LRRC58: variants seen among roughly 807,000 people sequenced by gnomAD.
LRRC58 encodes the protein leucine-rich repeat-containing protein 58.
A neutral mutation model predicts 30.6 loss-of-function variants in LRRC58; 18 were observed. The observed-to-expected ratio is 0.59, with a 90% confidence interval of 0.41 to 0.87. The LOEUF (loss-of-function observed/expected upper bound fraction) is 0.87. LRRC58 is among the 40% of genes least tolerant of loss of function. LRRC58 has a pLI of 0.00. For missense variants in LRRC58, 420 were observed against 468.4 expected, an observed-to-expected ratio of 0.90 and a Z score of 0.95; for synonymous variants, 221 against 206.0, an observed-to-expected ratio of 1.07 and a Z score of -0.62.
chr3:120,335,257 G>T, intron 2 of LRRC58, 118 bp from the exon 3 acceptor site: 2 of 850,294 alleles, frequency 2.4e-6, no homozygotes, highest in Non-Finnish European at 3.5e-6. Context: ...TTAAGATTAA[G>T]GTCAATTGAA....
intron 3 of LRRC58, among the ~76,000 whole-genome samples, chr3:120,333,897 T>C (rs1247060836): frequency 6.6e-6 from 1 of 152,236 alleles, no homozygotes; most frequent in Non-Finnish European, 1.5e-5. Context: ...CTATCCTCAA[T>C]TTTATCCTAT....
chr3:120,347,346 G>A (rs1012184953), intron 1 of LRRC58, among the ~76,000 whole-genome samples: 3 of 138,772 alleles, frequency 2.2e-5, no homozygotes, highest in Admixed American at 7.3e-5. Flanking sequence ...TAAGGCTGGA[G>A]CACCAAGAGT....
intron 1 of LRRC58, among the ~76,000 whole-genome samples, chr3:120,337,989 C>G (rs1935856969): frequency 6.6e-6 from 1 of 152,000 alleles, no homozygotes; most frequent in Non-Finnish European, 1.5e-5. Flanking sequence ...ATTACAGGTC[C>G]CTGCCACCAT....
rs1185290988 is a variant in LRRC58 at position 120,324,574 on chromosome 3, A to T, written c.*6626T>A. The T allele has an allele frequency of 6.6e-6, 1 of 152,232 alleles. No individual in the cohort carries two copies. Among genetic ancestry groups the T allele is most frequent in the African/African-American group, 2.4e-5 (1 of 41,474 alleles). 9.4% of individuals were successfully genotyped at this position (152,232 alleles called of 1,614,324 possible). A position where few individuals can be genotyped will look rare whatever the true frequency, so the allele number is the denominator to read the frequency against. ...AACAAGTAATCAGGCAAATATCAAC[A>T]TTATAGAGACTTTAATATAGAACTG... On this transcript the variant is annotated 3_prime_UTR_variant, in exon 4 of 4. Coordinates refer to ENST00000295628, the MANE Select transcript of LRRC58 (RefSeq NM_001099678.2).
chr3:120,347,780 G>A (rs1935992386), intron 1 of LRRC58, among the ~76,000 whole-genome samples: 1 of 152,200 alleles, frequency 6.6e-6, no homozygotes, highest in Non-Finnish European at 1.5e-5. Context: ...AATAAAGTGT[G>A]AAAATATCTT....
chr3:120,344,156 G>C (rs781508515), intron 1 of LRRC58, among the ~76,000 whole-genome samples: 3 of 152,130 alleles, frequency 2.0e-5, no homozygotes, highest in Non-Finnish European at 2.9e-5. Flanking sequence ...ATTAAAGTAA[G>C]ATAGGAATGT....
intron 1 of LRRC58, among the ~76,000 whole-genome samples, chr3:120,343,646 T>C (rs1935931190): frequency 2.6e-5 from 4 of 152,202 alleles, no homozygotes. Context: ...CAAGTACAAA[T>C]GACCCACTGA....
intron 1 of LRRC58, among the ~76,000 whole-genome samples, chr3:120,347,257 C>T (rs1935979764): frequency 6.6e-6 from 1 of 151,944 alleles, no homozygotes; most frequent in African/African-American, 2.4e-5. Flanking sequence ...AATGAAGAGA[C>T]ATCTTGCCCA....
chr3:120,336,048 T>C (rs1935831038), intron 1 of LRRC58, 95 bp from the exon 2 acceptor site: 3 of 862,258 alleles, frequency 3.5e-6, no homozygotes, highest in Non-Finnish European at 5.3e-6. Context: ...ATCTATTCAT[T>C]CAGCAAATGT....
chr3:120,336,104 T>C (rs1257402343), intron 1 of LRRC58, among the ~76,000 whole-genome samples, 151 bp from the exon 2 acceptor site: 2 of 152,212 alleles, frequency 1.3e-5, no homozygotes, highest in South Asian at 2.1e-4. Flanking sequence ...AGAGAAACAA[T>C]GCAATTTTCA....
intron 2 of LRRC58, among the ~76,000 whole-genome samples, chr3:120,335,398 C>A (rs1935820379): frequency 6.6e-6 from 1 of 152,118 alleles, no homozygotes. Flanking sequence ...GCTGTAAAAC[C>A]TAGATTTGAA....
At chr3:120,331,481 GTGTT>G in intron 3 of LRRC58, 73 bp from the exon 4 acceptor site, 10 of 1,133,726 alleles carry the variant, frequency 8.8e-6, no homozygotes, top group South Asian at 1.3e-5. Flanking sequence ...CCTTTCTCCA[GTGTT>G]CTGGAGAAAT....
rs533566894 is a variant in LRRC58 at position 120,333,632 on chromosome 3, A to C, written c.907+1230T>G. On this transcript the variant is annotated intron_variant, in intron 3 of 3. Coordinates refer to ENST00000295628, the MANE Select transcript of LRRC58 (RefSeq NM_001099678.2). The stretch of plus-strand genomic sequence containing the variant: ...CACCTGGTTTTGATCATCATTATGC[A>C]GCATTTCCTCAGTACCTACTGGATT... 3.5e-4 allele frequency among the ~76,000 whole-genome samples: 53 copies of C among 152,352 alleles called. No homozygotes were observed. The South Asian group carries it at 6.2e-3, about 18-fold the overall frequency.
chr3:120,341,450 T>C (rs1935903413), intron 1 of LRRC58, among the ~76,000 whole-genome samples: 1 of 152,132 alleles, frequency 6.6e-6, no homozygotes. Context: ...GAAGAGTGAG[T>C]CTGAGGGCAA....
intron 1 of LRRC58, among the ~76,000 whole-genome samples, chr3:120,343,080 T>C (rs917824606): frequency 3.9e-5 from 6 of 152,356 alleles, no homozygotes; most frequent in African/African-American, 1.4e-4. Context: ...ACGGAAAGGA[T>C]GCAAAACATT....
intron 3 of LRRC58, among the ~76,000 whole-genome samples, chr3:120,331,967 C>A: frequency 6.6e-6 from 1 of 152,308 alleles, no homozygotes; most frequent in Admixed American, 6.5e-5. Flanking sequence ...CACTGATGAT[C>A]TCACTTGATT....
Position 120,326,569 on chromosome 3 carries a change from G to C in LRRC58, c.*4631C>G, listed in dbSNP as rs1672793550. ...CAGAAGGAATCAGAAATGTATTATA[G>C]GTCACATTGAATAAAAATCTATACA... On this transcript the variant is annotated 3_prime_UTR_variant, in exon 4 of 4. Coordinates refer to ENST00000295628, the MANE Select transcript of LRRC58 (RefSeq NM_001099678.2). The C allele has an allele frequency of 1.3e-5, 2 of 152,114 alleles. No individual in the cohort carries two copies. Among genetic ancestry groups the C allele is most frequent in the Non-Finnish European group, 2.9e-5 (2 of 68,016 alleles). The allele number at this position is 152,114 out of a possible 1,614,324, so 9.4% of individuals were successfully genotyped here.
At position 120,330,121 on chromosome 3, in the gene LRRC58, T is replaced by A. The variant is rs1935734187; in HGVS notation, c.*1079A>T. ...TGATGTTTTTCTAGTTGTATTAGTTTTTCTTTAAAAAGTAGAGAAAGATGG... is the reference window on the plus strand; with the variant it reads ...TGATGTTTTTCTAGTTGTATTAGTTATTCTTTAAAAAGTAGAGAAAGATGG... On this transcript the variant is annotated 3_prime_UTR_variant, in exon 4 of 4. Transcript: ENST00000295628. 6.6e-6 allele frequency: 1 copy of A among 152,120 alleles called. No homozygotes were observed. The highest frequency in any genetic ancestry group is 1.5e-5 in the Non-Finnish European group (1 of 67,962). 9.4% of individuals were successfully genotyped at this position (152,120 alleles called of 1,614,324 possible). A position where few individuals can be genotyped will look rare whatever the true frequency, so the allele number is the denominator to read the frequency against.
At position 120,337,437 on chromosome 3, in the gene LRRC58, C is replaced by T. The variant is rs578111941; in HGVS notation, c.501-1484G>A. Among the ~76,000 whole-genome samples the T allele has an allele frequency of 1.3e-3, 204 of 152,190 alleles. 1 individual carries two copies. Among genetic ancestry groups the T allele is most frequent in the South Asian group, 0.011 (55 of 4,826 alleles). ...GTATATCTTTAGAGAATTACCTGTT[C>T]GTATCATTTATCTATTTTTCTCATG... On this transcript the variant is annotated intron_variant, in intron 1 of 3. Transcript: ENST00000295628.
Sources: gnomAD v4.1 joint callset for allele counts (sites outside exome capture counted in the v4.1 genomes callset) on GRCh38, gnomAD v4.1.1 for gene constraint, MANE v1.5 for transcripts, NCBI Gene and HGNC (gene_info 2026-07-23, HGNC 2026-07-21) for gene names.